The following SBF2 variants were observed in gnomAD, a reference collection of about 807,000 sequenced individuals.
The protein encoded by SBF2 is myotubularin-related protein 13.
In SBF2, 112 loss-of-function variants were observed where a neutral mutation model predicts 225.2. The observed-to-expected ratio is 0.50, with a 90% CI of 0.43 to 0.58. The LOEUF (loss-of-function observed/expected upper bound fraction) is 0.58, where lower values mean the gene tolerates loss of function less well. Among genes scored for constraint, SBF2 ranks in the 20% least tolerant of loss-of-function variants. The pLI, the probability that SBF2 is intolerant of heterozygous loss-of-function variation, is 0.00. For missense variants in SBF2, 1,996 were observed against 2,206.2 expected (o/e 0.90, Z 1.91); for synonymous variants, 763 against 773.3 (o/e 0.99, Z 0.22).
At chr11:9,907,827 T>C (rs1297985783) in intron 16 of SBF2, among the ~76,000 whole-genome samples, 1 of 152,242 alleles carries the variant, frequency 6.6e-6, no homozygotes, top group Non-Finnish European at 1.5e-5. Flanking sequence ...AATTTACAGA[T>C]ATTATTTCAT....
intron 1 of SBF2, among the ~76,000 whole-genome samples, chr11:10,244,105 T>C (rs1002160609): frequency 6.6e-6 from 1 of 152,200 alleles, no homozygotes; most frequent in Non-Finnish European, 1.5e-5. Context: ...ACTTCCCTCC[T>C]GGGACGTAAA....
intron 28 of SBF2, among the ~76,000 whole-genome samples, chr11:9,824,015 T>A (rs1854923935): frequency 6.6e-6 from 1 of 152,144 alleles, no homozygotes; most frequent in Non-Finnish European, 1.5e-5. Flanking sequence ...CAAGCCAAAT[T>A]CACAGTAATT....
chr11:9,823,720 C>A (rs777144843), intron 28 of SBF2, among the ~76,000 whole-genome samples: 82 of 152,148 alleles, frequency 5.4e-4, no homozygotes, highest in Non-Finnish European at 1.6e-4. Flanking sequence ...TTTTGAGACC[C>A]TTAACTTGCT....
chr11:9,968,807 A>T (rs921620708), intron 13 of SBF2, among the ~76,000 whole-genome samples: 1 of 151,892 alleles, frequency 6.6e-6, no homozygotes, highest in South Asian at 2.1e-4. Context: ...ATCTTTGTCT[A>T]TTTCTCATCT....
intron 9 of SBF2, among the ~76,000 whole-genome samples, chr11:9,996,113 C>G (rs945215422): frequency 1.3e-5 from 2 of 152,072 alleles, no homozygotes; most frequent in African/African-American, 2.4e-5. Flanking sequence ...TTTAGGTATA[C>G]GAGTATGCAG....
At chr11:10,211,049 G>A (rs1000719169) in intron 1 of SBF2, among the ~76,000 whole-genome samples, 1 of 85,550 alleles carries the variant, frequency 1.2e-5, no homozygotes, top group African/African-American at 3.4e-5. Context: ...CCTCTTGCTT[G>A]CTCAATGTAC....
chr11:10,087,312 G>A (rs1951607414), intron 2 of SBF2, among the ~76,000 whole-genome samples: 1 of 152,070 alleles, frequency 6.6e-6, no homozygotes, highest in South Asian at 2.1e-4. Context: ...AGACTGAGCC[G>A]TTGCAGTAGA....
intron 36 of SBF2, 140 bp from the exon 37 acceptor site, chr11:9,785,458 A>C: frequency 1.4e-6 from 1 of 724,274 alleles, no homozygotes; most frequent in East Asian, 2.7e-5. Context: ...TCAATCTCAG[A>C]GTTAGTTATC....
At chr11:10,136,306 C>T (rs1954351628) in intron 2 of SBF2, among the ~76,000 whole-genome samples, 1 of 152,062 alleles carries the variant, frequency 6.6e-6, no homozygotes, top group Non-Finnish European at 1.5e-5. Context: ...TATCAGGCTT[C>T]CTTGGTGACA....
At chr11:10,040,686 G>A (rs181008258) in intron 3 of SBF2, among the ~76,000 whole-genome samples, 14 of 151,676 alleles carry the variant, frequency 9.2e-5, no homozygotes, top group East Asian at 1.9e-4. Flanking sequence ...TACTGTTTAC[G>A]TACTGTTCAT....
intron 22 of SBF2, 115 bp from the exon 23 acceptor site, chr11:9,847,198 C>T: frequency 7.7e-7 from 1 of 1,296,154 alleles, no homozygotes; most frequent in South Asian, 1.2e-5. Flanking sequence ...AGGACACTGC[C>T]CAGGGATGCA....
intron 16 of SBF2, among the ~76,000 whole-genome samples, chr11:9,934,232 C>G (rs961340012): frequency 2.0e-5 from 3 of 152,180 alleles, no homozygotes; most frequent in African/African-American, 7.2e-5. Context: ...TTCCTGGACA[C>G]ATACACCCTC....
In SBF2 at chr11:10,240,627, G is replaced by C. The variant is rs575324186; in HGVS notation, c.56-46640C>G. On this transcript the variant is annotated intron_variant, in intron 1 of 39. Coordinates refer to ENST00000256190, the MANE Select transcript of SBF2 (RefSeq NM_030962.4). Reference sequence around the variant, plus strand: ...AAGCAAAATATAATTGCAACTGGTTGAATTACCTATACCTACAAAAACAGA... The same window carrying C: ...AAGCAAAATATAATTGCAACTGGTTCAATTACCTATACCTACAAAAACAGA... 2.6e-5 allele frequency among the ~76,000 whole-genome samples: 4 copies of C among 152,242 alleles called. No individual in the cohort carries two copies. In the South Asian group the frequency reaches 8.3e-4, roughly 32 times the overall value.
At chr11:9,992,564 AAAT>A in intron 11 of SBF2, 21 bp from the exon 12 acceptor site, 1 of 1,606,740 alleles carries the variant, frequency 6.2e-7, no homozygotes, top group Non-Finnish European at 8.5e-7. Context: ...AGAAAATGTG[AAAT>A]AATAATTTAT....
chr11:10,175,292 G>C (rs201622727), intron 2 of SBF2, among the ~76,000 whole-genome samples: 14,216 of 151,146 alleles, frequency 0.094, 887 homozygotes, highest in East Asian at 0.28. Flanking sequence ...ACACACATAG[G>C]CTCAAAATAA....
intron 1 of SBF2, among the ~76,000 whole-genome samples, chr11:10,290,749 GAATTCA>G (rs1964109897): frequency 6.6e-6 from 1 of 152,142 alleles, no homozygotes; most frequent in Non-Finnish European, 1.5e-5. Context: ...GTATCAGTAT[GAATTCA>G]TAGTTTTCAA....
intron 36 of SBF2, among the ~76,000 whole-genome samples, chr11:9,787,030 G>A (rs1187822807): frequency 6.6e-6 from 1 of 152,038 alleles, no homozygotes; most frequent in Non-Finnish European, 1.5e-5. Context: ...TGAGTAGCTG[G>A]GATTACAGGC....
chr11:10,304,551 C>T (rs1964630991), exon 1 of SBF2: 1 of 152,290 alleles, frequency 6.6e-6, no homozygotes, highest in African/African-American at 2.4e-5. Context: ...TCCTGCTCCT[C>T]TCGGCTTTGC....
chr11:10,093,550 C>T (rs937177772), intron 2 of SBF2, among the ~76,000 whole-genome samples: 1 of 151,918 alleles, frequency 6.6e-6, no homozygotes, highest in Non-Finnish European at 1.5e-5. Flanking sequence ...ACTTTAGAAC[C>T]CAGTTATCAC....
Sources: allele counts gnomAD v4.1 joint callset (sites outside exome capture counted in the v4.1 genomes callset), GRCh38; gene constraint gnomAD v4.1.1; transcripts MANE v1.5; gene names NCBI Gene and HGNC (gene_info 2026-07-23, HGNC 2026-07-21).